SMARCA2: variants seen among roughly 807,000 people sequenced by gnomAD.
SMARCA2 encodes SWI/SNF related BAF chromatin remodeling complex subunit ATPase 2, also known as SWI/SNF-related matrix-associated actin-dependent regulator of chromatin subfamily A member 2.
A neutral mutation model predicts 199.8 loss-of-function variants in SMARCA2; 61 were observed. The ratio of observed to expected loss-of-function variants is 0.31; its 90% CI spans 0.25 to 0.38. The LOEUF (loss-of-function observed/expected upper bound fraction) is 0.38. Among genes scored for constraint, SMARCA2 ranks in the 10% least tolerant of loss-of-function variants. The pLI is 1.00. For synonymous variants in SMARCA2, 935 were observed against 732.0 expected, an observed-to-expected ratio of 1.28 and a Z score of -4.48; for missense variants, 1,344 against 2,012.2, an observed-to-expected ratio of 0.67 and a Z score of 6.35.
chr9:2,103,257 C>G (rs1212233348), intron 22 of SMARCA2, among the ~76,000 whole-genome samples: 1 of 152,128 alleles, frequency 6.6e-6, no homozygotes, highest in East Asian at 1.9e-4. Context: ...TCAGCGTAGC[C>G]TCTGTAACAT....
intron 27 of SMARCA2, among the ~76,000 whole-genome samples, chr9:2,156,199 GCTAT>G (rs1205811530): frequency 6.6e-6 from 1 of 152,134 alleles, no homozygotes; most frequent in Non-Finnish European, 1.5e-5. Flanking sequence ...GACTGAACGT[GCTAT>G]CTGTTGAAAT....
chr9:2,145,304 CAAAAAAAAAAAAA>C (rs56314428), intron 27 of SMARCA2, among the ~76,000 whole-genome samples: 10 of 132,300 alleles, frequency 7.6e-5, no homozygotes, highest in East Asian at 2.1e-4. Flanking sequence ...ACTCTTGTCT[CAAAAAAAAAAAAA>C]AAAAAAAAAA....
At chr9:2,099,315 C>T (rs3793492) in intron 21 of SMARCA2, among the ~76,000 whole-genome samples, 51,633 of 152,050 alleles carry the variant, frequency 0.34, 12,072 homozygotes, top group African/African-American at 0.66. Context: ...TGTCCCATTT[C>T]TTCTGAAAAC....
rs182710582 is a variant in SMARCA2, at chr9:2,096,536, T to A, written c.2884-121T>A. On this transcript the variant is annotated intron_variant, in intron 19 of 33. Transcript: ENST00000349721. ...CCCATCTCACCCCGCACTCCGTGAA[T>A]CCAAGAAAGAGAAAGAGAGACACCT... The A allele has an allele frequency of 4.7e-4, 315 of 672,322 alleles. 4 individuals are homozygous for A. The East Asian group carries it at 8.2e-3, about 17-fold the overall frequency. The allele number at this position is 672,322 out of a possible 1,614,324, so 41.6% of individuals were successfully genotyped here.
chr9:2,188,020 CG>C (rs779910186), intron 32 of SMARCA2, among the ~76,000 whole-genome samples: 21 of 151,934 alleles, frequency 1.4e-4, no homozygotes, highest in African/African-American at 3.1e-4. Context: ...TAGAATTACA[CG>C]TTTTTTTACC....
intron 9 of SMARCA2, among the ~76,000 whole-genome samples, chr9:2,066,507 G>A (rs1233054045): frequency 6.6e-6 from 1 of 152,168 alleles, no homozygotes; most frequent in Non-Finnish European, 1.5e-5. Flanking sequence ...AACACACACT[G>A]TCTTTAGTTT....
At chr9:2,186,824 C>A (rs1475558798) in intron 32 of SMARCA2, among the ~76,000 whole-genome samples, 1 of 151,782 alleles carries the variant, frequency 6.6e-6, no homozygotes. Context: ...CCACACCTGA[C>A]CTGCAAACAC....
intron 10 of SMARCA2, 30 bp from the exon 11 acceptor site, chr9:2,073,182 A>T (rs1318158606): frequency 1.7e-5 from 27 of 1,613,364 alleles, no homozygotes; most frequent in Non-Finnish European, 2.3e-5. Context: ...CTTAACATGA[A>T]ACCGTGACAT....
chr9:2,077,620 C>T lies in SMARCA2; in HGVS notation c.2037-9C>T, dbSNP rs554068775. Reference sequence around the variant, plus strand: ...TCTGTGTGTGATTCTCCACTTTTTCCTTTCCCAGGACAGCTAAGCAAGACG... The same window carrying T: ...TCTGTGTGTGATTCTCCACTTTTTCTTTTCCCAGGACAGCTAAGCAAGACG... On this transcript the variant is annotated splice_polypyrimidine_tract_variant and intron_variant, in intron 13 of 33. Coordinates refer to ENST00000349721, the MANE Select transcript of SMARCA2 (RefSeq NM_003070.5). 51 of 1,610,722 alleles carry T rather than the reference C, an allele frequency of 3.2e-5. 2 individuals are homozygous for T. In the African/African-American group the frequency reaches 4.0e-4, roughly 13 times the overall value.
intron 8 of SMARCA2, among the ~76,000 whole-genome samples, chr9:2,058,861 C>T (rs185414342): frequency 2.0e-5 from 3 of 152,246 alleles, no homozygotes; most frequent in East Asian, 3.9e-4. Context: ...CACATTAAGT[C>T]GTGTCTTCAA....
chr9:2,047,316 C>A lies in SMARCA2; in HGVS notation c.878C>A (p.Ala293Glu). The change falls in exon 5 of 34, where the codon GCA becomes GAA. Residue 293 changes from alanine (A) to glutamate (E), a missense_variant. Transcript: ENST00000349721. ...PGGRPSPAPP[A>E]AAQPPAAAVP... Reference sequence around the variant, plus strand: ...GGCCGGCCCTCGCCCGCGCCCCCCGCAGCCGCGCAGCCGCCCGCGGCCGCA... The same window carrying A: ...GGCCGGCCCTCGCCCGCGCCCCCCGAAGCCGCGCAGCCGCCCGCGGCCGCA... 1 of 1,035,446 alleles carries A rather than the reference C, an allele frequency of 9.7e-7. No homozygotes were observed. 64.1% of individuals were successfully genotyped at this position (1,035,446 alleles called of 1,614,324 possible). A position where few individuals can be genotyped will look rare whatever the true frequency, so the allele number is the denominator to read the frequency against.
At chr9:2,052,345 G>T (rs1422832544) in intron 5 of SMARCA2, among the ~76,000 whole-genome samples, 1 of 152,154 alleles carries the variant, frequency 6.6e-6, no homozygotes, top group Non-Finnish European at 1.5e-5. Flanking sequence ...GTGGTGGCAC[G>T]TGCCTATAGC....
Position 2,077,734 on chromosome 9 carries a change from A to G in SMARCA2, c.2142A>G (p.Lys714=), listed in dbSNP as rs771503484. The G allele has an allele frequency of 1.2e-6, 2 of 1,613,742 alleles. No homozygotes were observed. The highest frequency in any genetic ancestry group is 2.2e-5 in the East Asian group (1 of 44,880). Residue 714 remains lysine (K), a synonymous_variant, in exon 14 of 34, where the codon AAA becomes AAG. Coordinates refer to ENST00000349721, the MANE Select transcript of SMARCA2 (RefSeq NM_003070.5). ...VAHAISERVE[K]QSALLINGTL... is the part of the protein sequence containing the mutation. ...ATGCCATCTCGGAGAGGGTGGAGAA[A>G]CAGTCTGCCCTCCTAATTAATGGGA...
intron 18 of SMARCA2, among the ~76,000 whole-genome samples, chr9:2,087,801 C>G (rs1347225217): frequency 1.3e-5 from 2 of 152,174 alleles, no homozygotes; most frequent in African/African-American, 4.8e-5. Flanking sequence ...AATTATTTGG[C>G]CCTTTGATGT....
At chr9:2,111,041 G>GTTTTTTTT (rs371262213) in intron 24 of SMARCA2, among the ~76,000 whole-genome samples, 5 of 147,846 alleles carry the variant, frequency 3.4e-5, no homozygotes, top group African/African-American at 1.3e-4. Flanking sequence ...GTACTTTGAT[G>GTTTTTTTT]TTTTGTTTTT....
At chr9:2,113,767 T>C (rs917894758) in intron 24 of SMARCA2, among the ~76,000 whole-genome samples, 1 of 152,204 alleles carries the variant, frequency 6.6e-6, no homozygotes, top group Non-Finnish European at 1.5e-5. Flanking sequence ...CCTCACCTGT[T>C]CTATTCATAT....
rs775209674 is a variant in SMARCA2, at chr9:2,053,676, G to T, written c.1047-921G>T. Among the ~76,000 whole-genome samples, 54 of 152,116 alleles carry T rather than the reference G, an allele frequency of 3.5e-4. 1 individual carries two copies. Among genetic ancestry groups the T allele is most frequent in the Admixed American group, 5.9e-4 (9 of 15,278 alleles). On this transcript the variant is annotated intron_variant, in intron 5 of 33. Transcript: ENST00000349721. ...ATTATTCTTTCTTTGTTGAAATCTA[G>T]TTCAGTACAGTTTGCCTCAGATTTA...
chr9:2,036,177 AGTGTGT>A (rs140964092), intron 3 of SMARCA2, among the ~76,000 whole-genome samples: 472 of 147,914 alleles, frequency 3.2e-3, no homozygotes, highest in African/African-American at 0.011. Context: ...ATATTTAAAT[AGTGTGT>A]GTGTGTGTGT....
intron 5 of SMARCA2, among the ~76,000 whole-genome samples, chr9:2,050,322 C>CTT (rs33981080): frequency 2.0e-5 from 3 of 147,052 alleles, no homozygotes; most frequent in Non-Finnish European, 4.5e-5. Flanking sequence ...CCCTGTACTG[C>CTT]TTTTTTTTTT....
Sources: gnomAD v4.1 joint callset for allele counts (sites outside exome capture counted in the v4.1 genomes callset) on GRCh38, gnomAD v4.1.1 for gene constraint, MANE v1.5 for transcripts, NCBI Gene and HGNC (gene_info 2026-07-23, HGNC 2026-07-21) for gene names.